EDRF1: variants seen among roughly 807,000 people sequenced by gnomAD.
EDRF1 encodes the protein erythroid differentiation regulatory factor 1.
A neutral mutation model predicts 148.7 loss-of-function variants in EDRF1; 69 were observed. The observed-to-expected ratio is 0.46, with a 90% CI of 0.38 to 0.57. EDRF1 has a LOEUF of 0.57. EDRF1 is among the 20% of genes least tolerant of loss of function. EDRF1 has a pLI of 0.00. For synonymous variants in EDRF1, 515 were observed against 532.8 expected, an observed-to-expected ratio of 0.97 and a Z score of 0.46; for missense variants, 1,118 against 1,478.7, an observed-to-expected ratio of 0.76 and a Z score of 4.00.
At position 125,752,892 on chromosome 10, in the gene EDRF1, A is replaced by G; in HGVS notation, c.3371A>G (p.Glu1124Gly). ...CACGCATTCCAGCTTATCCAGAAGG[A>G]GCTTATAGAAGAATTTGGCCAGGTA... is the stretch of plus-strand genomic sequence containing the variant. ...TEHAFQLIQK[E>G]LIEEFGQPKS... is the part of the protein sequence containing the mutation. The change falls in exon 23 of 25, where the codon GAG becomes GGG. Residue 1124 changes from glutamate (E) to glycine (G), a missense_variant. Glu to Gly is a moderately conservative substitution (Grantham distance 98, BLOSUM62 -2). This residue lies in a region of EDRF1 where 954 missense variants were observed against 1,241.4 expected (regional missense o/e 0.77). Transcript: ENST00000356792. 1 of 1,613,884 alleles carries G rather than the reference A, an allele frequency of 6.2e-7. No homozygotes were observed. Among genetic ancestry groups the G allele is most frequent in the Non-Finnish European group, 8.5e-7 (1 of 1,179,898 alleles).
chr10:125,753,014 C>A, intron 23 of EDRF1, 100 bp downstream of exon 23: 1 of 799,478 alleles, frequency 1.3e-6, no homozygotes, highest in Non-Finnish European at 2.2e-6. Context: ...GGTATATATA[C>A]ACACATGTAC....
At chr10:125,723,790 T>G (rs553992713) in intron 3 of EDRF1, 21 bp from the exon 4 acceptor site, 5 of 1,607,892 alleles carry the variant, frequency 3.1e-6, no homozygotes, top group Non-Finnish European at 4.3e-6. Context: ...TCTAAACTAT[T>G]TTTTCTCTTA....
intron 15 of EDRF1, among the ~76,000 whole-genome samples, chr10:125,739,698 C>A (rs1848916142): frequency 6.6e-6 from 1 of 152,176 alleles, no homozygotes. Context: ...AAATGAGAAA[C>A]CTTCAGGCTG....
chr10:125,750,174 A>G (rs1057468671), intron 22 of EDRF1, among the ~76,000 whole-genome samples: 9 of 152,112 alleles, frequency 5.9e-5, no homozygotes, highest in Admixed American at 2.0e-4. Context: ...AAAGATTTAA[A>G]TCGGCATGAA....
rs774580688 is a variant in EDRF1, at chr10:125,719,957, CGGA to C, written c.108+46_108+48del. 43 of 1,565,712 alleles carry C rather than the reference CGGA, an allele frequency of 2.7e-5. No homozygotes were observed. In the East Asian group the frequency reaches 8.7e-4, roughly 31 times the overall value. The stretch of plus-strand genomic sequence containing the variant: ...GGGGGACCTGCCAGGGATGTGGGAG[CGGA>C]GGACCCGCTCCACCGGGGAGGGATG... On this transcript the variant is annotated intron_variant, in intron 1 of 24. Transcript: ENST00000356792.
At chr10:125,736,010 G>T in intron 13 of EDRF1, 106 bp downstream of exon 13, 1 of 1,091,384 alleles carries the variant, frequency 9.2e-7, no homozygotes, top group South Asian at 1.5e-5. Flanking sequence ...ACCTTTCATG[G>T]TCTAGCATCT....
At chr10:125,745,297 GT>G in intron 18 of EDRF1, 1 of 212,950 alleles carries the variant, frequency 4.7e-6, no homozygotes, top group Non-Finnish European at 9.6e-6. Flanking sequence ...TTCCTCTCAT[GT>G]TTCTACCTTG....
chr10:125,750,251 C>T (rs528052384), intron 22 of EDRF1, among the ~76,000 whole-genome samples: 7 of 152,296 alleles, frequency 4.6e-5, no homozygotes, highest in Admixed American at 1.3e-4. Flanking sequence ...AAACATAGAA[C>T]TGACCCTTGG....
In EDRF1 at chr10:125,743,233, G is replaced by C; in HGVS notation, c.2547G>C (p.Val849=). The C allele has an allele frequency of 6.2e-7, 1 of 1,613,834 alleles. No homozygotes were observed. The highest frequency in any genetic ancestry group is 8.5e-7 in the Non-Finnish European group (1 of 1,179,898). Residue 849 remains valine (V), a synonymous_variant, in exon 18 of 25, where the codon GTG becomes GTC. Transcript: ENST00000356792. ...GTAACATTAGAAATGAAATTGGTGTGTTTTACATGAATCAGGCTGCTGCAT... is the reference window on the plus strand; with the variant it reads ...GTAACATTAGAAATGAAATTGGTGTCTTTTACATGAATCAGGCTGCTGCAT... ...RMGNIRNEIG[V]FYMNQAAALQ...
At chr10:125,753,881 T>C in intron 24 of EDRF1, 36 bp downstream of exon 24, 4 of 1,608,260 alleles carry the variant, frequency 2.5e-6, no homozygotes, top group Non-Finnish European at 3.4e-6. Flanking sequence ...ATTTCTTTCC[T>C]AGCACCCTAC....
At chr10:125,752,074 C>G (rs1849673475) in intron 22 of EDRF1, 1 of 152,222 alleles carries the variant, frequency 6.6e-6, no homozygotes, top group African/African-American at 2.4e-5. Context: ...CCAGTGCCTC[C>G]AGAGGTCAAG....
In EDRF1 at chr10:125,743,044, T is replaced by C; in HGVS notation, c.2372-14T>C. The C allele has an allele frequency of 6.2e-7, 1 of 1,612,318 alleles. No individual in the cohort carries two copies. On this transcript the variant is annotated splice_polypyrimidine_tract_variant and intron_variant, in intron 17 of 24. Coordinates refer to ENST00000356792, the MANE Select transcript of EDRF1 (RefSeq NM_001202438.2). ...CACATGATTCGCATTGATGTATCCC[T>C]TTTTTCTTTTCAGGATTTGCATGGG...
At chr10:125,739,934 G>A (rs936343470) in intron 15 of EDRF1, among the ~76,000 whole-genome samples, 1 of 152,194 alleles carries the variant, frequency 6.6e-6, no homozygotes, top group Admixed American at 6.5e-5. Context: ...TAAATAAAGA[G>A]TATTCCTTGT....
At chr10:125,756,267 T>C (rs1405664959) in intron 24 of EDRF1, among the ~76,000 whole-genome samples, 1 of 152,252 alleles carries the variant, frequency 6.6e-6, no homozygotes, top group Non-Finnish European at 1.5e-5. Flanking sequence ...TGATATTGCT[T>C]GCTAGTTGAA....
chr10:125,748,382 G>C (rs986297178), intron 21 of EDRF1: 1 of 309,020 alleles, frequency 3.2e-6, no homozygotes, highest in East Asian at 8.3e-5. Context: ...GAATTTTGGG[G>C]TTATTCCAGA....
intron 7 of EDRF1, 40 bp from the exon 8 acceptor site, chr10:125,729,318 A>G: frequency 1.9e-6 from 3 of 1,608,080 alleles, no homozygotes; most frequent in Non-Finnish European, 2.6e-6. Flanking sequence ...GAAATTACAG[A>G]TTGACTGTTT....
At position 125,729,077 on chromosome 10, in the gene EDRF1, T is replaced by C; in HGVS notation, c.867T>C (p.Thr289=). The C allele has an allele frequency of 6.4e-7, 1 of 1,574,736 alleles. No homozygotes were observed. Among genetic ancestry groups the C allele is most frequent in the East Asian group, 2.3e-5 (1 of 44,084 alleles). ...CCCCCAAAGAACAAAACCTGATTACTTTATTCAATGACGGGGAGCACAGTC... is the reference window on the plus strand; with the variant it reads ...CCCCCAAAGAACAAAACCTGATTACCTTATTCAATGACGGGGAGCACAGTC... ...ASAPKEQNLI[T]LFNDGEHSQG... Residue 289 remains threonine, a synonymous_variant, in exon 7 of 25, where the codon ACT becomes ACC. Transcript: ENST00000356792.
Position 125,734,122 on chromosome 10 carries a change from G to C in EDRF1, c.1436G>C (p.Gly479Ala). 6.2e-7 allele frequency: 1 copy of C among 1,613,284 alleles called. No individual in the cohort carries two copies. The highest frequency in any genetic ancestry group is 1.1e-5 in the South Asian group (1 of 91,062). Residue 479 changes from glycine (G) to alanine (A), a missense_variant, in exon 12 of 25, where the codon GGA (glycine) becomes GCA (alanine). This residue lies in a region of EDRF1 where 954 missense variants were observed against 1,241.4 expected (regional missense o/e 0.77). Coordinates refer to ENST00000356792, the MANE Select transcript of EDRF1 (RefSeq NM_001202438.2). Reference sequence around the variant, plus strand: ...AAGAATCAAAATAAGAAACACTATGGAACTATTAGAACATTGCTTCTTAAT... The same window carrying C: ...AAGAATCAAAATAAGAAACACTATGCAACTATTAGAACATTGCTTCTTAAT... ...MKKNQNKKHY[G>A]TIRTLLLNCL... is the part of the protein sequence containing the mutation.
In EDRF1 at chr10:125,763,558, A is replaced by G; in HGVS notation, c.*86A>G. On this transcript the variant is annotated 3_prime_UTR_variant, in exon 25 of 25. Transcript: ENST00000356792. This position sits in a 1 kb window ranked among gnomAD's most constrained non-coding sequence, Gnocchi z 4.3. ...ATTCGGTGCTTTGTTTCATTAAATA[A>G]TAGGGAAATATCCATTTAAAACAGG... 7.2e-7 allele frequency: 1 copy of G among 1,383,862 alleles called. No homozygotes were observed. Among genetic ancestry groups the G allele is most frequent in the Non-Finnish European group, 9.9e-7 (1 of 1,005,720 alleles). 85.7% of individuals were successfully genotyped at this position (1,383,862 alleles called of 1,614,324 possible).
Sources: gnomAD v4.1 joint callset for allele counts (sites outside exome capture counted in the v4.1 genomes callset) on GRCh38, gnomAD v4.1.1 for gene constraint, gnomAD v4.1.1 regional missense constraint, Gnocchi (gnomAD v3.1) non-coding constraint, MANE v1.5 for transcripts, NCBI Gene and HGNC (gene_info 2026-07-23, HGNC 2026-07-21) for gene names.